The following MYH3 variants were observed in gnomAD, a reference collection of about 807,000 sequenced individuals.
MYH3 encodes myosin-3.
Under a neutral mutation model 238.0 loss-of-function variants are expected in MYH3, and 130 were observed. That is an observed-to-expected ratio of 0.55 (90% confidence interval 0.47 to 0.63). The LOEUF (loss-of-function observed/expected upper bound fraction) is 0.63, where lower values mean the gene tolerates loss of function less well. Among genes scored for constraint, MYH3 ranks in the 30% least tolerant of loss-of-function variants. MYH3 has a pLI of 0.00. For synonymous variants in MYH3, 880 were observed against 924.1 expected, an observed-to-expected ratio of 0.95 and a Z score of 0.86; for missense variants, 1,853 against 2,374.9, an observed-to-expected ratio of 0.78 and a Z score of 4.57.
intron 28 of MYH3, among the ~76,000 whole-genome samples, chr17:10,637,179 C>A (rs993324929): frequency 6.6e-6 from 1 of 151,876 alleles, no homozygotes; most frequent in Non-Finnish European, 1.5e-5. Context: ...CCTGCCTCAG[C>A]CTCCCAAGTA....
At chr17:10,651,803 G>C in intron 4 of MYH3, 135 bp from the exon 5 acceptor site, 1 of 1,265,290 alleles carries the variant, frequency 7.9e-7, no homozygotes, top group Non-Finnish European at 1.1e-6. Flanking sequence ...GAGTGCAGTG[G>C]CACGATCTTG....
intron 14 of MYH3, among the ~76,000 whole-genome samples, chr17:10,644,029 A>G (rs1209231669): frequency 6.6e-6 from 1 of 151,894 alleles, no homozygotes; most frequent in Non-Finnish European, 1.5e-5. Context: ...GCATGGTGGC[A>G]CACGCCTGTA....
chr17:10,662,838 G>C, the MYH3 span, among the ~76,000 whole-genome samples: 2 of 152,158 alleles, frequency 1.3e-5, no homozygotes, highest in Admixed American at 6.6e-5. Context: ...TGTAACCTCA[G>C]CACTTTGGGA....
Position 10,638,176 on chromosome 17 carries a change from T to G in MYH3, c.3596A>C (p.Asp1199Ala), listed in dbSNP as rs1383114785. ...CTGCTCCCCAAGCTCGGCCACACTA[T>G]CCGCATGCTTCTTCCTCAGCGCGGC... is the stretch of plus-strand genomic sequence containing the variant. ...MVAALRKKHA[D>A]SVAELGEQID... The change falls in exon 27 of 41, where the codon GAT (aspartate) becomes GCT (alanine). Residue 1199 changes from aspartate (D) to alanine (A), a missense_variant. Transcript: ENST00000583535. 1 of 1,613,824 alleles carries G rather than the reference T, an allele frequency of 6.2e-7. No individual in the cohort carries two copies.
chr17:10,636,914 T>TA (rs879678430), intron 28 of MYH3, among the ~76,000 whole-genome samples: 3,176 of 143,066 alleles, frequency 0.022, 97 homozygotes, highest in African/African-American at 0.072. Context: ...AGACTCTGTC[T>TA]AAAAAAAAAA....
Position 10,629,587 on chromosome 17 carries a change from A to C in MYH3, c.5796+10T>G, listed in dbSNP as rs2074131908. ...CCTGGGGGGGGGCTCCTCCCAGCTC[A>C]GCGACTCACCCTGCTGGAGGTGAAG... On this transcript the variant is annotated intron_variant, in intron 40 of 40. Coordinates refer to ENST00000583535, the MANE Select transcript of MYH3 (RefSeq NM_002470.4). 1.9e-6 allele frequency: 3 copies of C among 1,612,744 alleles called. No homozygotes were observed. The highest frequency in any genetic ancestry group is 2.5e-6 in the Non-Finnish European group (3 of 1,180,020).
In MYH3 at chr17:10,642,137, A is replaced by C; in HGVS notation, c.1959+103T>G. The C allele has an allele frequency of 1.0e-5, 11 of 1,084,682 alleles. No individual in the cohort carries two copies. Among genetic ancestry groups the C allele is most frequent in the Non-Finnish European group, 1.5e-5 (11 of 719,540 alleles). The allele number at this position is 1,084,682 out of a possible 1,614,324, so 67.2% of individuals were successfully genotyped here. On this transcript the variant is annotated intron_variant, in intron 17 of 40. Transcript: ENST00000583535. The surrounding 1 kb of genome is among the most constrained non-coding windows in gnomAD (Gnocchi z 5.4). ...CCTCAGTGACAGTAATCAGATTAAG[A>C]CAACACTACTACTCTCAAATAAATC...
chr17:10,632,090 T>TTTTGTTTG (rs370004215), intron 34 of MYH3, 74 bp from the exon 35 acceptor site: 1 of 1,517,934 alleles, frequency 6.6e-7, no homozygotes, highest in East Asian at 2.3e-5. Context: ...CATCTCTGAG[T>TTTTGTTTG]TTTGTTTGTT....
the MYH3 span, among the ~76,000 whole-genome samples, chr17:10,662,509 C>T: frequency 1.3e-5 from 2 of 152,144 alleles, no homozygotes; most frequent in Admixed American, 6.6e-5. Context: ...AGACAATATG[C>T]AAATTCACCC....
At chr17:10,635,246 C>G in intron 30 of MYH3, 121 bp downstream of exon 30, 1 of 1,521,064 alleles carries the variant, frequency 6.6e-7, no homozygotes. Context: ...AACGCCAGGT[C>G]CCTCTAATGG....
rs770779120 is a variant in MYH3 at position 10,634,180 on chromosome 17, C to T, written c.4359G>A (p.Val1453=). 1.3e-5 allele frequency: 21 copies of T among 1,614,098 alleles called. No homozygotes were observed. Among genetic ancestry groups the T allele is most frequent in the Admixed American group, 8.3e-5 (5 of 60,004 alleles). ...CACACTTTGTCTTCCACTCTGCCAA[C>T]ACCTGAAACACCGGACGGAAGTTCT... ...LDKKQRNFDK[V]LAEWKTKCEE... Residue 1453 remains valine, a splice_region_variant and synonymous_variant, in exon 32 of 41, where the codon GTG becomes GTA. Coordinates refer to ENST00000583535, the MANE Select transcript of MYH3 (RefSeq NM_002470.4).
Position 10,638,881 on chromosome 17 carries a change from CTT to C in MYH3, c.3329_3330del (p.Lys1110ArgfsTer7). The C allele has an allele frequency of 6.2e-7, 1 of 1,614,050 alleles. No individual in the cohort carries two copies. The highest frequency in any genetic ancestry group is 2.2e-5 in the East Asian group (1 of 44,888). On this transcript the variant is annotated frameshift_variant, in exon 26 of 41. Coordinates refer to ENST00000583535, the MANE Select transcript of MYH3 (RefSeq NM_002470.4). LOFTEE classifies it high-confidence loss of function. ...ATGCAGAGGGCTCCTACCTGCAACT[CTT>C]TGATTTTCTTCTGAAACTGGAGGCC... ...TLGLQFQKKI[K>X]ELQARIEELE...
At chr17:10,651,747 GTTTT>G (rs370073463) in intron 4 of MYH3, 79 bp from the exon 5 acceptor site, 9 of 745,202 alleles carry the variant, frequency 1.2e-5, no homozygotes, top group African/African-American at 4.5e-5. Context: ...TATTATTATT[GTTTT>G]TTTTTTTTTT....
the MYH3 span, chr17:10,675,536 G>A: frequency 2.0e-5 from 3 of 152,152 alleles, no homozygotes; most frequent in African/African-American, 7.2e-5. Context: ...TTTTATGTAT[G>A]TAAATCATCA....
chr17:10,671,681 GC>G, the MYH3 span, among the ~76,000 whole-genome samples: 100 of 147,594 alleles, frequency 6.8e-4, no homozygotes, highest in African/African-American at 2.5e-3. Flanking sequence ...CCGGGTTCAT[GC>G]CATTCTCCTG....
At chr17:10,671,745 A>T in the MYH3 span, among the ~76,000 whole-genome samples, 1 of 151,370 alleles carries the variant, frequency 6.6e-6, no homozygotes, top group African/African-American at 2.4e-5. Flanking sequence ...ACGCCCGGCT[A>T]ATTTTTTGTA....
rs762132597 is a variant in MYH3, at chr17:10,638,033, C to A, written c.3729+10G>T. 1.2e-6 allele frequency: 2 copies of A among 1,613,990 alleles called. No homozygotes were observed. Among genetic ancestry groups the A allele is most frequent in the Non-Finnish European group, 1.7e-6 (2 of 1,180,016 alleles). On this transcript the variant is annotated intron_variant, in intron 27 of 40. Coordinates refer to ENST00000583535, the MANE Select transcript of MYH3 (RefSeq NM_002470.4). The stretch of plus-strand genomic sequence containing the variant: ...GGAAAGCCTTGAGCCACCCCCACCC[C>A]GCGCAGCACCTTAGATTTCGACACA...
chr17:10,631,382 C>T (rs2074155224), intron 36 of MYH3, among the ~76,000 whole-genome samples: 1 of 152,210 alleles, frequency 6.6e-6, no homozygotes. Context: ...ACATGCACAC[C>T]TCTCCACAGG....
the MYH3 span, among the ~76,000 whole-genome samples, chr17:10,670,447 G>C: frequency 6.6e-6 from 1 of 152,038 alleles, no homozygotes; most frequent in African/African-American, 2.4e-5. The surrounding 1 kb of genome is among the most constrained non-coding windows in gnomAD (Gnocchi z 7.0). Context: ...TTCACTGTCA[G>C]TTTCTCCAAG....
Sources: allele counts gnomAD v4.1 joint callset (sites outside exome capture counted in the v4.1 genomes callset), GRCh38; gene constraint gnomAD v4.1.1; non-coding constraint Gnocchi (gnomAD v3.1); transcripts MANE v1.5; gene names NCBI Gene and HGNC (gene_info 2026-07-23, HGNC 2026-07-21).